SLC24A4: variants seen among roughly 807,000 people sequenced by gnomAD.
SLC24A4 encodes solute carrier family 24 member 4.
A neutral mutation model predicts 79.0 loss-of-function variants in SLC24A4; 53 were observed. The observed-to-expected ratio is 0.67, with a 90% CI of 0.54 to 0.84. The LOEUF (loss-of-function observed/expected upper bound fraction) is 0.84, where lower values mean the gene tolerates loss of function less well. Ranked by LOEUF, SLC24A4 falls within the 40% of genes least tolerant of loss-of-function variation. SLC24A4 has a pLI of 0.00. For missense variants in SLC24A4, 731 were observed against 822.0 expected (o/e 0.89, Z 1.35); for synonymous variants, 323 against 323.8 (o/e 1.00, Z 0.03).
At chr14:92,344,855 G>T (rs746130612) in intron 2 of SLC24A4, among the ~76,000 whole-genome samples, 24 of 152,174 alleles carry the variant, frequency 1.6e-4, no homozygotes, top group Non-Finnish European at 2.6e-4. Flanking sequence ...GAGCCAGTGT[G>T]CTCCATCTAG....
At chr14:92,391,493 C>T (rs1201990533) in intron 2 of SLC24A4, among the ~76,000 whole-genome samples, 3 of 152,172 alleles carry the variant, frequency 2.0e-5, no homozygotes, top group Admixed American at 6.5e-5. Flanking sequence ...TACTTGCCAC[C>T]GTCCACACTC....
chr14:92,392,922 A>G (rs1889559951), intron 2 of SLC24A4, among the ~76,000 whole-genome samples: 1 of 151,726 alleles, frequency 6.6e-6, no homozygotes, highest in Non-Finnish European at 1.5e-5. Flanking sequence ...TCTATGAGGA[A>G]CATCTCTTCC....
At position 92,395,432 on chromosome 14, in the gene SLC24A4, AACAC is replaced by A. The variant is rs60360408; in HGVS notation, c.242-38449_242-38446del. Among the ~76,000 whole-genome samples, 823 of 144,912 alleles carry A rather than the reference AACAC, an allele frequency of 5.7e-3. 10 individuals are homozygous for A. Among genetic ancestry groups the A allele is most frequent in the African/African-American group, 0.018 (708 of 39,438 alleles). ...GATGATTCAAAACAAAACAAAACAA[AACAC>A]ACACACACACACACACACACACACA... On this transcript the variant is annotated intron_variant, in intron 2 of 16. Transcript: ENST00000532405.
rs543505898 is a variant in SLC24A4 at position 92,500,800 on chromosome 14, C to A, written c.*7172C>A. The stretch of plus-strand genomic sequence containing the variant: ...CTGCCTGTGTCTCCTGCCCAGCAGC[C>A]GCCAGCAGGGAATAGTTGCTGGTGT... On this transcript the variant is annotated 3_prime_UTR_variant, in exon 17 of 17. Transcript: ENST00000532405. The A allele has an allele frequency of 6.6e-5, 10 of 152,392 alleles. No individual in the cohort carries two copies. The highest frequency in any genetic ancestry group is 2.4e-4 in the African/African-American group (10 of 41,582). The allele number at this position is 152,392 out of a possible 1,614,324, so 9.4% of individuals were successfully genotyped here. A position where few individuals can be genotyped will look rare whatever the true frequency, so the allele number is the denominator to read the frequency against.
At chr14:92,377,452 A>T (rs1888580548) in intron 2 of SLC24A4, among the ~76,000 whole-genome samples, 1 of 152,200 alleles carries the variant, frequency 6.6e-6, no homozygotes. Flanking sequence ...CAAACTAAGG[A>T]GATGACACCT....
At chr14:92,334,930 C>T (rs1018134789) in intron 2 of SLC24A4, among the ~76,000 whole-genome samples, 2 of 151,980 alleles carry the variant, frequency 1.3e-5, no homozygotes, top group Admixed American at 6.6e-5. Context: ...TCATCGTCAT[C>T]GAGGTGAAGT....
intron 14 of SLC24A4, among the ~76,000 whole-genome samples, chr14:92,487,347 C>T (rs554769012): frequency 1.3e-5 from 2 of 152,318 alleles, no homozygotes; most frequent in African/African-American, 2.4e-5. Context: ...AGCCAGGTAG[C>T]ATCCCAGCAT....
At chr14:92,379,961 C>T (rs1224043488) in intron 2 of SLC24A4, among the ~76,000 whole-genome samples, 2 of 152,178 alleles carry the variant, frequency 1.3e-5, no homozygotes, top group African/African-American at 2.4e-5. Context: ...TACTCCCTGA[C>T]GTTGTGTCAC....
chr14:92,458,319 A>G (rs1217422424), intron 12 of SLC24A4, among the ~76,000 whole-genome samples: 6 of 152,190 alleles, frequency 3.9e-5, no homozygotes, highest in Admixed American at 2.0e-4. Flanking sequence ...CCAGGGGTTC[A>G]GGCCTCCCAG....
At chr14:92,364,448 G>A (rs1420323455) in intron 2 of SLC24A4, among the ~76,000 whole-genome samples, 1 of 152,214 alleles carries the variant, frequency 6.6e-6, no homozygotes, top group African/African-American at 2.4e-5. Flanking sequence ...AAGAGGCAGA[G>A]AAGGTACAGA....
In SLC24A4 at chr14:92,439,401, A is replaced by T; in HGVS notation, c.385A>T (p.Ile129Phe). 6.2e-7 allele frequency: 1 copy of T among 1,612,608 alleles called. No homozygotes were observed. Among genetic ancestry groups the T allele is most frequent in the South Asian group, 1.1e-5 (1 of 91,078 alleles). Residue 129 changes from isoleucine to phenylalanine, a missense_variant, in exon 4 of 17, where the codon ATC becomes TTC. Coordinates refer to ENST00000532405, the MANE Select transcript of SLC24A4 (RefSeq NM_153646.4). ...CTTCTTTGTTCCGTCTCTAGAGAAG[A>T]TCTGTGAGGTATGTGGAAGGGACTT... ...DDFFVPSLEKICERLHLSEDV... is the reference protein window; with the variant it reads ...DDFFVPSLEKFCERLHLSEDV...
intron 2 of SLC24A4, among the ~76,000 whole-genome samples, chr14:92,415,321 G>C (rs371845570): frequency 3.3e-5 from 5 of 152,230 alleles, no homozygotes; most frequent in African/African-American, 9.6e-5. Context: ...GGTGGTCAGC[G>C]TGGGAAGTTT....
In SLC24A4 at chr14:92,433,919, C is replaced by A; in HGVS notation, c.249C>A (p.His83Gln). The A allele has an allele frequency of 6.2e-7, 1 of 1,614,036 alleles. No homozygotes were observed. The highest frequency in any genetic ancestry group is 8.5e-7 in the Non-Finnish European group (1 of 1,179,890). Residue 83 changes from histidine to glutamine, a missense_variant, in exon 3 of 17, where the codon CAC becomes CAA. Physicochemically the swap from His to Gln is conservative, Grantham distance 24. Transcript: ENST00000532405. ...TAKNCTDPAI[H>Q]EFPTDLFSNK... The stretch of plus-strand genomic sequence containing the variant: ...TCTCTTCCTGTCTTCCAGCGATTCA[C>A]GAGTTCCCCACAGATCTGTTCTCCA...
intron 2 of SLC24A4, among the ~76,000 whole-genome samples, chr14:92,412,131 C>G (rs1890751099): frequency 6.6e-6 from 1 of 152,150 alleles, no homozygotes; most frequent in African/African-American, 2.4e-5. Flanking sequence ...CACTTTACCA[C>G]TTTGGGGTTT....
chr14:92,371,881 C>T lies in SLC24A4; in HGVS notation c.241+45903C>T, dbSNP rs147171094. 2.1e-4 allele frequency among the ~76,000 whole-genome samples: 32 copies of T among 152,384 alleles called. No individual in the cohort carries two copies. In the East Asian group the frequency reaches 5.4e-3, roughly 26 times the overall value. On this transcript the variant is annotated intron_variant, in intron 2 of 16. Transcript: ENST00000532405. Reference sequence around the variant, plus strand: ...GCTTCTATGACAGTGCTGGCCCTTTCTCAAGCACCAAGGCAGGGGCCATGG... The same window carrying T: ...GCTTCTATGACAGTGCTGGCCCTTTTTCAAGCACCAAGGCAGGGGCCATGG...
At chr14:92,328,468 G>A (rs768307223) in intron 2 of SLC24A4, among the ~76,000 whole-genome samples, 1 of 152,250 alleles carries the variant, frequency 6.6e-6, no homozygotes, top group Non-Finnish European at 1.5e-5. Flanking sequence ...GTCCTTCTGT[G>A]TAGCCTGGGG....
chr14:92,436,262 C>T (rs1892160313), intron 3 of SLC24A4, among the ~76,000 whole-genome samples: 2 of 152,084 alleles, frequency 1.3e-5, no homozygotes, highest in South Asian at 4.1e-4. Context: ...CTCACTATCA[C>T]GAGAACAGCA....
In SLC24A4 at chr14:92,497,832, T is replaced by G. The variant is rs1157433484; in HGVS notation, c.*4204T>G. The G allele has an allele frequency of 6.6e-6, 1 of 152,356 alleles. No individual in the cohort carries two copies. 9.4% of individuals were successfully genotyped at this position (152,356 alleles called of 1,614,324 possible). A position where few individuals can be genotyped will look rare whatever the true frequency, so the allele number is the denominator to read the frequency against. On this transcript the variant is annotated 3_prime_UTR_variant, in exon 17 of 17. Coordinates refer to ENST00000532405, the MANE Select transcript of SLC24A4 (RefSeq NM_153646.4). ...CTCCCTGGCTGGAAAAAGGTGGCTG[T>G]GCTGTCCCTGTGATCCACTCTCAGC...
chr14:92,379,483 G>T lies in SLC24A4; in HGVS notation c.241+53505G>T, dbSNP rs188193230. ...GGGGCTGCTGGAATAATCTAGGAGG[G>T]GAAGGACCCGGCTTCAGCCCGAGTT... On this transcript the variant is annotated intron_variant, in intron 2 of 16. Transcript: ENST00000532405. 1.4e-4 allele frequency among the ~76,000 whole-genome samples: 22 copies of T among 152,240 alleles called. No homozygotes were observed. In the East Asian group the frequency reaches 3.5e-3, roughly 24 times the overall value.
Sources: gnomAD v4.1 joint callset for allele counts (sites outside exome capture counted in the v4.1 genomes callset) on GRCh38, gnomAD v4.1.1 for gene constraint, MANE v1.5 for transcripts, NCBI Gene and HGNC (gene_info 2026-07-23, HGNC 2026-07-21) for gene names.